Variants in ZFYVE28 observed in about 807,000 individuals in gnomAD.
ZFYVE28 encodes the protein zinc finger FYVE-type containing 28.
ZFYVE28 carries 40 observed loss-of-function variants against 82.1 expected under a neutral mutation model. The observed-to-expected ratio is 0.49, with a 90% CI of 0.38 to 0.63. ZFYVE28 has a LOEUF of 0.63. Ranked by LOEUF, ZFYVE28 falls within the 30% of genes least tolerant of loss-of-function variation. The pLI, the probability that ZFYVE28 is intolerant of heterozygous loss-of-function variation, is 0.00. For missense variants in ZFYVE28, 1,321 were observed against 1,242.1 expected (o/e 1.06, Z -0.96); for synonymous variants, 612 against 546.1 (o/e 1.12, Z -1.68).
intron 6 of ZFYVE28, among the ~76,000 whole-genome samples, chr4:2,334,510 C>T (rs1033251742): frequency 6.6e-6 from 1 of 151,958 alleles, no homozygotes; most frequent in East Asian, 1.9e-4. Context: ...CCATGCTCAA[C>T]CCCAGTGCAC....
Position 2,372,591 on chromosome 4 carries a change from G to A in ZFYVE28, c.40-18518C>T, listed in dbSNP as rs1337743625. Among the ~76,000 whole-genome samples, 9 of 152,168 alleles carry A rather than the reference G, an allele frequency of 5.9e-5. No homozygotes were observed. The highest frequency in any genetic ancestry group is 1.5e-5 in the Non-Finnish European group (1 of 68,016). On this transcript the variant is annotated intron_variant, in intron 1 of 12. Transcript: ENST00000290974. This position sits in a 1 kb window ranked among gnomAD's most constrained non-coding sequence, Gnocchi z 5.2. ...TACACAGAGGTGCGGGCAGGCAGGG[G>A]TGCTGGGGTTCTGAACAGGGCCTGG...
At chr4:2,373,344 T>A (rs897092730) in intron 1 of ZFYVE28, among the ~76,000 whole-genome samples, 8 of 151,928 alleles carry the variant, frequency 5.3e-5, no homozygotes, top group Non-Finnish European at 1.0e-4. Context: ...ACAAAAAATT[T>A]AAAAATTAGC....
chr4:2,405,797 C>T (rs1039645223), intron 1 of ZFYVE28, among the ~76,000 whole-genome samples: 3 of 152,212 alleles, frequency 2.0e-5, no homozygotes, highest in Non-Finnish European at 4.4e-5. Flanking sequence ...CCTATAATCC[C>T]AGCACTTTGG....
intron 6 of ZFYVE28, chr4:2,330,755 G>A (rs1476523345): frequency 1.3e-6 from 2 of 1,503,706 alleles, no homozygotes; most frequent in African/African-American, 2.8e-5. Flanking sequence ...TGCGGGGGAG[G>A]GGACAGTGTG....
At chr4:2,386,345 T>A (rs1179597988) in intron 1 of ZFYVE28, among the ~76,000 whole-genome samples, 1 of 152,036 alleles carries the variant, frequency 6.6e-6, no homozygotes, top group African/African-American at 2.4e-5. Context: ...TTTAGCTGGG[T>A]GTGGTGGCGG....
At chr4:2,399,046 G>GCACAAGCGTGGAGGTGAGATCCAGGT (rs1324154102) in intron 1 of ZFYVE28, among the ~76,000 whole-genome samples, 1 of 142,700 alleles carries the variant, frequency 7.0e-6, no homozygotes, top group Non-Finnish European at 1.5e-5. Flanking sequence ...GAGATCCAGG[G>GCACAAGCGTGGAGGTGAGATCCAGGT]CACAAGCGTG....
chr4:2,390,683 T>C (rs764661009), intron 1 of ZFYVE28, among the ~76,000 whole-genome samples: 48 of 152,270 alleles, frequency 3.2e-4, no homozygotes, highest in Non-Finnish European at 6.2e-4. Context: ...ACACAGTTTT[T>C]CTTCTGAATG....
chr4:2,400,781 C>T (rs866218175), intron 1 of ZFYVE28, among the ~76,000 whole-genome samples: 1 of 152,090 alleles, frequency 6.6e-6, no homozygotes, highest in Admixed American at 6.6e-5. Flanking sequence ...ACATTCCAGC[C>T]GTGCTGGCAG....
Position 2,335,095 on chromosome 4 carries a change from C to T in ZFYVE28, c.701+610G>A, listed in dbSNP as rs1449342015. On this transcript the variant is annotated intron_variant, in intron 6 of 12. Coordinates refer to ENST00000290974, the MANE Select transcript of ZFYVE28 (RefSeq NM_020972.3). This position sits in a 1 kb window ranked among gnomAD's most constrained non-coding sequence, Gnocchi z 5.8. ...GGCCTGAGCTTCCATGTGCTGTGTT[C>T]ACGTCCTTGAGCCCCACAGGACCCT... Among the ~76,000 whole-genome samples the T allele has an allele frequency of 6.6e-6, 1 of 151,446 alleles. No homozygotes were observed. The highest frequency in any genetic ancestry group is 1.5e-5 in the Non-Finnish European group (1 of 67,850).
rs575282143 is a variant in ZFYVE28, at chr4:2,300,850, G to A, written c.2051+3439C>T. Among the ~76,000 whole-genome samples the A allele has an allele frequency of 2.0e-5, 3 of 152,350 alleles. No individual in the cohort carries two copies. Among genetic ancestry groups the A allele is most frequent in the African/African-American group, 7.2e-5 (3 of 41,580 alleles). On this transcript the variant is annotated intron_variant, in intron 8 of 12. Transcript: ENST00000290974. This position sits in a 1 kb window ranked among gnomAD's most constrained non-coding sequence, Gnocchi z 4.6. ...CGTCCACGCCACAACCACAGGGGCT[G>A]CAGGGGCGTCTGCCGGGCGAGCGGG...
At chr4:2,371,978 C>G (rs1472382491) in intron 1 of ZFYVE28, among the ~76,000 whole-genome samples, 1 of 152,230 alleles carries the variant, frequency 6.6e-6, no homozygotes, top group Admixed American at 6.5e-5. Flanking sequence ...AGCCTAGAGG[C>G]ACAGACCCCA....
At chr4:2,387,401 G>A (rs981409390) in intron 1 of ZFYVE28, among the ~76,000 whole-genome samples, 4 of 152,200 alleles carry the variant, frequency 2.6e-5, no homozygotes, top group African/African-American at 9.7e-5. Flanking sequence ...CCCTCCTGCC[G>A]GCCGGAAGCA....
At chr4:2,270,957 T>A in intron 12 of ZFYVE28, 101 bp from the exon 13 acceptor site, 16 of 1,505,054 alleles carry the variant, frequency 1.1e-5, no homozygotes, top group Non-Finnish European at 1.4e-5. Context: ...CAGGCCGCAT[T>A]GGTGGGTGGG....
chr4:2,273,605 T>C (rs969769906), intron 9 of ZFYVE28, among the ~76,000 whole-genome samples: 9 of 152,186 alleles, frequency 5.9e-5, no homozygotes, highest in African/African-American at 2.2e-4. Context: ...GGCTACGCGC[T>C]GAGGGACACT....
intron 1 of ZFYVE28, chr4:2,364,780 C>A: frequency 3.0e-6 from 3 of 985,526 alleles, no homozygotes; most frequent in Non-Finnish European, 3.6e-6. Context: ...CTCGTCAAGG[C>A]GCCCACGGCC....
Position 2,418,435 on chromosome 4 carries a change from T to C in ZFYVE28, c.-112A>G, listed in dbSNP as rs1424847878. The C allele has an allele frequency of 4.6e-6, 4 of 870,830 alleles. No homozygotes were observed. The highest frequency in any genetic ancestry group is 5.7e-6 in the Non-Finnish European group (4 of 705,622). The allele number at this position is 870,830 out of a possible 1,614,324, so 53.9% of individuals were successfully genotyped here. ...GGAGGCACGGCCGGAGCCCCCGCGCTGTCGCAGGGAGGCTGGCTAGCGAAG... is the reference window on the plus strand; with the variant it reads ...GGAGGCACGGCCGGAGCCCCCGCGCCGTCGCAGGGAGGCTGGCTAGCGAAG... On this transcript the variant is annotated 5_prime_UTR_variant, in exon 1 of 13. Transcript: ENST00000290974. This position sits in a 1 kb window ranked among gnomAD's most constrained non-coding sequence, Gnocchi z 4.6.
chr4:2,366,893 C>T (rs572804544), intron 1 of ZFYVE28, among the ~76,000 whole-genome samples: 1 of 152,368 alleles, frequency 6.6e-6, no homozygotes, highest in South Asian at 2.1e-4. Context: ...GGTGATAATG[C>T]TGGCCTTGAC....
At position 2,336,870 on chromosome 4, in the gene ZFYVE28, G is replaced by A. The variant is rs570706039; in HGVS notation, c.611+537C>T. ...TGAGGAGTGAGAAGGTGAGGAGGGA[G>A]GAGGTGAAGAGTGAGGAGGTGAGGT... On this transcript the variant is annotated intron_variant, in intron 5 of 12. Coordinates refer to ENST00000290974, the MANE Select transcript of ZFYVE28 (RefSeq NM_020972.3). Among the ~76,000 whole-genome samples, 7 of 134,264 alleles carry A rather than the reference G, an allele frequency of 5.2e-5. No homozygotes were observed. The East Asian group carries it at 1.8e-3, about 34-fold the overall frequency. The allele number at this position is 134,264 out of a possible 152,430, so 88.1% of individuals were successfully genotyped here.
chr4:2,415,466 A>ACT (rs914023685), intron 1 of ZFYVE28, among the ~76,000 whole-genome samples: 10 of 151,812 alleles, frequency 6.6e-5, no homozygotes, highest in Admixed American at 1.3e-4. Flanking sequence ...ACACACACAC[A>ACT]CACACACACA....
Sources: gnomAD v4.1 joint callset for allele counts (sites outside exome capture counted in the v4.1 genomes callset) on GRCh38, gnomAD v4.1.1 for gene constraint, Gnocchi (gnomAD v3.1) non-coding constraint, MANE v1.5 for transcripts, NCBI Gene and HGNC (gene_info 2026-07-23, HGNC 2026-07-21) for gene names.